The following FANCL variants were observed in gnomAD, a reference collection of about 807,000 sequenced individuals.
The protein encoded by FANCL is E3 ubiquitin-protein ligase FANCL.
A neutral mutation model predicts 59.4 loss-of-function variants in FANCL; 69 were observed. The ratio of observed to expected loss-of-function variants is 1.16; its 90% confidence interval spans 0.96 to 1.42. The LOEUF is 1.42. FANCL is among the 40% of genes most tolerant of loss of function. FANCL has a pLI of 0.00. For missense variants in FANCL, 519 were observed against 447.2 expected, an observed-to-expected ratio of 1.16 and a Z score of -1.45; for synonymous variants, 180 against 147.1, an observed-to-expected ratio of 1.22 and a Z score of -1.62.
At chr2:58,205,581 G>A (rs1690501817) in intron 5 of FANCL, among the ~76,000 whole-genome samples, 1 of 151,762 alleles carries the variant, frequency 6.6e-6, no homozygotes, top group African/African-American at 2.4e-5. Flanking sequence ...TCTACTTCCA[G>A]AAAAATTAAT....
At chr2:58,185,015 G>C (rs544294307) in intron 7 of FANCL, among the ~76,000 whole-genome samples, 1 of 152,154 alleles carries the variant, frequency 6.6e-6, no homozygotes, top group East Asian at 1.9e-4. Context: ...TAGGACTGCA[G>C]GAGAAAAAAG....
chr2:58,199,503 T>C (rs1325740634), intron 6 of FANCL, among the ~76,000 whole-genome samples: 1 of 152,138 alleles, frequency 6.6e-6, no homozygotes, highest in Non-Finnish European at 1.5e-5. Flanking sequence ...GAATGAAATA[T>C]CTTCTGGCTT....
rs527443580 is a variant in FANCL, at chr2:58,211,284, G to A, written c.375-7058C>T. On this transcript the variant is annotated intron_variant, in intron 5 of 13. Transcript: ENST00000233741. Reference sequence around the variant, plus strand: ...CATGTGGAAGCTGCCAAGGCTTGGGGTTTGCACCCTCTGCAGCCACGGCCC... The same window carrying A: ...CATGTGGAAGCTGCCAAGGCTTGGGATTTGCACCCTCTGCAGCCACGGCCC... 1.1e-3 allele frequency among the ~76,000 whole-genome samples: 165 copies of A among 152,272 alleles called. 2 individuals are homozygous for A. The highest frequency in any genetic ancestry group is 3.6e-3 in the African/African-American group (151 of 41,576).
chr2:58,185,591 G>A (rs1455373927), intron 7 of FANCL, among the ~76,000 whole-genome samples: 2 of 152,148 alleles, frequency 1.3e-5, no homozygotes, highest in Non-Finnish European at 2.9e-5. Flanking sequence ...TTTTGGCAAT[G>A]CTTGCCAATT....
rs13385692 is a variant in FANCL, at chr2:58,221,246, A to G, written c.374+696T>C. On this transcript the variant is annotated intron_variant, in intron 5 of 13. Transcript: ENST00000233741. Reference sequence around the variant, plus strand: ...CATATTTTTACTGGTGCTTTAGCTCAAAGTAGAAAGGTTATAATACACTTA... The same window carrying G: ...CATATTTTTACTGGTGCTTTAGCTCGAAGTAGAAAGGTTATAATACACTTA... Among the ~76,000 whole-genome samples the G allele has an allele frequency of 4.9e-3, 745 of 152,272 alleles. 7 individuals carry two copies. Among genetic ancestry groups the G allele is most frequent in the African/African-American group, 0.016 (658 of 41,554 alleles).
intron 7 of FANCL, among the ~76,000 whole-genome samples, chr2:58,173,919 T>A (rs1686969122): frequency 6.6e-6 from 1 of 151,284 alleles, no homozygotes; most frequent in Admixed American, 6.6e-5. Context: ...ACACATAGGC[T>A]CAAAATAAAA....
intron 7 of FANCL, among the ~76,000 whole-genome samples, chr2:58,182,796 C>T (rs1478014118): frequency 6.6e-6 from 1 of 151,562 alleles, no homozygotes; most frequent in African/African-American, 2.4e-5. Context: ...CTGAGTGTTA[C>T]AGTCAATACT....
chr2:58,184,504 T>C (rs1688217598), intron 7 of FANCL, among the ~76,000 whole-genome samples: 1 of 151,902 alleles, frequency 6.6e-6, no homozygotes, highest in African/African-American at 2.4e-5. Context: ...GATCCAAAAA[T>C]TACAACCAGA....
intron 5 of FANCL, among the ~76,000 whole-genome samples, chr2:58,220,843 C>T (rs772778730): frequency 4.6e-5 from 7 of 152,050 alleles, no homozygotes; most frequent in Non-Finnish European, 7.4e-5. Flanking sequence ...AGTTAGCCCT[C>T]GATTTATCTT....
At chr2:58,165,971 G>A (rs1375788083) in intron 7 of FANCL, 97 bp from the exon 8 acceptor site, 3 of 1,270,244 alleles carry the variant, frequency 2.4e-6, no homozygotes, top group Admixed American at 1.9e-5. Context: ...ATTTTAAGCT[G>A]TTTCATTTTA....
chr2:58,184,575 C>A (rs888159211), intron 7 of FANCL, among the ~76,000 whole-genome samples: 3 of 151,718 alleles, frequency 2.0e-5, no homozygotes, highest in Admixed American at 1.3e-4. Flanking sequence ...TGCATACATA[C>A]AATAATAAGA....
intron 11 of FANCL, among the ~76,000 whole-genome samples, chr2:58,162,026 A>G (rs1481792440): frequency 6.6e-6 from 1 of 151,910 alleles, no homozygotes; most frequent in Non-Finnish European, 1.5e-5. Flanking sequence ...AAAAAAAGAG[A>G]TTCCATTTTT....
rs1685179787 is a variant in FANCL at position 58,161,590 on chromosome 2, T to C, written c.952A>G (p.Thr318Ala). ...GICYAYQLDG[T>A]IPDQVCDNSQ... ...TTATCACACACTTGATCAGGAATGGTACCGTCAAGTTGATAAGCATAACAA... is the reference window on the plus strand; with the variant it reads ...TTATCACACACTTGATCAGGAATGGCACCGTCAAGTTGATAAGCATAACAA... Residue 318 changes from threonine (T) to alanine (A), a missense_variant, in exon 12 of 14, where the codon ACC becomes GCC. Transcript: ENST00000233741. The C allele has an allele frequency of 3.7e-6, 6 of 1,611,698 alleles. No homozygotes were observed. The East Asian group carries it at 1.3e-4, about 36-fold the overall frequency.
intron 7 of FANCL, among the ~76,000 whole-genome samples, chr2:58,172,772 A>C (rs1427440836): frequency 6.6e-6 from 1 of 152,230 alleles, no homozygotes; most frequent in African/African-American, 2.4e-5. Flanking sequence ...CAGCAATGGA[A>C]CAAAGCTGGA....
chr2:58,240,110 T>TAAAAAAAA (rs79031739), intron 1 of FANCL, among the ~76,000 whole-genome samples: 1 of 130,682 alleles, frequency 7.7e-6, no homozygotes. Context: ...ATGCTTCCTG[T>TAAAAAAAA]AAAAAAAAAA....
chr2:58,161,720 A>C (rs1030859776), intron 11 of FANCL, 82 bp from the exon 12 acceptor site: 2 of 836,774 alleles, frequency 2.4e-6, no homozygotes, highest in Non-Finnish European at 4.1e-6. Flanking sequence ...TATGTGTGAT[A>C]TTTTGATACA....
intron 6 of FANCL, among the ~76,000 whole-genome samples, chr2:58,202,405 C>T (rs1210605971): frequency 6.6e-6 from 1 of 150,900 alleles, no homozygotes; most frequent in Non-Finnish European, 1.5e-5. Context: ...AAAATTATCA[C>T]ATCTCAAAGA....
At chr2:58,177,695 C>T (rs1220267802) in intron 7 of FANCL, among the ~76,000 whole-genome samples, 7 of 149,982 alleles carry the variant, frequency 4.7e-5, no homozygotes, top group East Asian at 2.0e-4. Context: ...GACGAGTTAA[C>T]GGGTGCAGCA....
At chr2:58,210,081 C>T (rs1393801698) in intron 5 of FANCL, among the ~76,000 whole-genome samples, 1 of 152,188 alleles carries the variant, frequency 6.6e-6, no homozygotes. Flanking sequence ...ACAAAAGTAT[C>T]AGCACATTTC....
Sources: allele counts gnomAD v4.1 joint callset (sites outside exome capture counted in the v4.1 genomes callset), GRCh38; gene constraint gnomAD v4.1.1; transcripts MANE v1.5; gene names NCBI Gene and HGNC (gene_info 2026-07-23, HGNC 2026-07-21).